Variants in COX17 observed in about 807,000 individuals in gnomAD.
COX17 encodes cytochrome c oxidase copper chaperone COX17, also known as cytochrome c oxidase copper chaperone.
A neutral mutation model predicts 6.3 loss-of-function variants in COX17; 1 was observed. The ratio of observed to expected loss-of-function variants is 0.16; its 90% CI spans 0.06 to 0.75. The LOEUF is 0.75. Among genes scored for constraint, COX17 ranks in the 30% least tolerant of loss-of-function variants. COX17 has a pLI of 0.77. For synonymous variants in COX17, 26 were observed against 30.5 expected (o/e 0.85, Z 0.49); for missense variants, 73 against 81.2 (o/e 0.90, Z 0.39).
chr3:119,668,966 T>C (rs77751788), downstream of COX17, among the ~76,000 whole-genome samples: 1,716 of 152,206 alleles, frequency 0.011, 27 homozygotes, highest in African/African-American at 0.038. Flanking sequence ...ACCAATTCAG[T>C]CTCTAGCCTA....
At chr3:119,669,050 G>A (rs1404895165), downstream of COX17, among the ~76,000 whole-genome samples, 2 of 151,964 alleles carry the variant, frequency 1.3e-5, no homozygotes, top group South Asian at 2.1e-4. Context: ...CTGTAGGCAC[G>A]AAACTTAAGA....
At chr3:119,668,253 T>C (rs1199005738), downstream of COX17, among the ~76,000 whole-genome samples, 3 of 152,204 alleles carry the variant, frequency 2.0e-5, no homozygotes, top group African/African-American at 4.8e-5. Flanking sequence ...TTGTTTTCTT[T>C]TTTGCAGTTC....
intron 2 of COX17, among the ~76,000 whole-genome samples, chr3:119,672,608 T>G (rs2053055391): frequency 6.6e-6 from 1 of 152,208 alleles, no homozygotes; most frequent in South Asian, 2.1e-4. Context: ...GTACACATAC[T>G]TTTTAAGAAC....
chr3:119,666,787 TATC>T (rs2107830741), downstream of COX17: 1 of 152,330 alleles, frequency 6.6e-6, no homozygotes, highest in Non-Finnish European at 1.5e-5. Flanking sequence ...ACACATGAAT[TATC>T]AACACTAGGG....
In COX17 at chr3:119,677,252, A is replaced by T; in HGVS notation, c.59T>A (p.Leu20Gln). Residue 20 changes from leucine to glutamine, a missense_variant, in exon 1 of 3, where the codon CTG becomes CAG. Leu to Gln is a moderately radical substitution (Grantham distance 113, BLOSUM62 -2). Coordinates refer to ENST00000261070, the MANE Select transcript of COX17 (RefSeq NM_005694.2). ...CTCCGGGCAAGCGCAGCAGGGCTTC[A>T]GCGGCTTCTTCTCCTGAGACTCAGG... is the stretch of plus-strand genomic sequence containing the variant. ...APPESQEKKP[L>Q]KPCCACPETK... is the part of the protein sequence containing the mutation. 1 of 1,612,090 alleles carries T rather than the reference A, an allele frequency of 6.2e-7. No homozygotes were observed. Among genetic ancestry groups the T allele is most frequent in the Non-Finnish European group, 8.5e-7 (1 of 1,179,978 alleles).
chr3:119,669,472 T>C (rs1296482582), downstream of COX17: 1 of 152,126 alleles, frequency 6.6e-6, no homozygotes, highest in Non-Finnish European at 1.5e-5. Context: ...TATATATCCT[T>C]TGGGGGAAAA....
chr3:119,676,668 A>T (rs2053103426), intron 1 of COX17: 2 of 567,028 alleles, frequency 3.5e-6, no homozygotes, highest in South Asian at 3.9e-5. Context: ...TTTGGGAGAA[A>T]GCCTTAGAAA....
downstream of COX17, among the ~76,000 whole-genome samples, chr3:119,668,978 TTAATTTCTAATTAATTC>T (rs1183263380): frequency 2.6e-5 from 4 of 152,144 alleles, no homozygotes; most frequent in Non-Finnish European, 5.9e-5. Context: ...TCTAGCCTAA[TTAATTTCTAATTAATTC>T]TAATTTCTAA....
chr3:119,670,165 C>A (rs2107832647), intron 2 of COX17, among the ~76,000 whole-genome samples: 1 of 152,162 alleles, frequency 6.6e-6, no homozygotes, highest in East Asian at 1.9e-4. Context: ...CAAGGGCAAC[C>A]CTTTAATATT....
downstream of COX17, among the ~76,000 whole-genome samples, chr3:119,668,618 T>C (rs1368496060): frequency 6.6e-6 from 1 of 151,752 alleles, no homozygotes; most frequent in East Asian, 1.9e-4. Context: ...TAGCCAGCTA[T>C]TGAACCTAAG....
chr3:119,666,274 A>C (rs887079641), downstream of COX17, among the ~76,000 whole-genome samples: 1 of 152,184 alleles, frequency 6.6e-6, no homozygotes, highest in African/African-American at 2.4e-5. Flanking sequence ...ATGCCCAGGG[A>C]ATGGTTTCTC....
At chr3:119,670,386 T>C (rs959624816) in intron 2 of COX17, among the ~76,000 whole-genome samples, 4 of 152,194 alleles carry the variant, frequency 2.6e-5, no homozygotes, top group African/African-American at 7.2e-5. Context: ...TAAATAAAGA[T>C]AAACCACATC....
chr3:119,669,939 T>C (rs539378607), intron 2 of COX17, among the ~76,000 whole-genome samples: 1 of 152,282 alleles, frequency 6.6e-6, no homozygotes, highest in African/African-American at 2.4e-5. Flanking sequence ...ATATAATACA[T>C]ATGTGTGTGT....
chr3:119,666,129 G>A (rs1371850686), downstream of COX17, among the ~76,000 whole-genome samples: 2 of 97,050 alleles, frequency 2.1e-5, no homozygotes, highest in East Asian at 2.3e-4. Flanking sequence ...ATCTAAGCAG[G>A]GGTGGGATGA....
intron 2 of COX17, chr3:119,674,914 C>CT: frequency 2.1e-6 from 1 of 466,782 alleles, no homozygotes. Flanking sequence ...GACCTAAAGG[C>CT]TTTTGTCAAA....
At chr3:119,670,676 C>G (rs1018028155) in intron 2 of COX17, among the ~76,000 whole-genome samples, 1 of 151,940 alleles carries the variant, frequency 6.6e-6, no homozygotes, top group Non-Finnish European at 1.5e-5. Flanking sequence ...TAAATATCTG[C>G]TGAATGAACA....
downstream of COX17, among the ~76,000 whole-genome samples, chr3:119,669,080 G>A (rs957815396): frequency 6.6e-6 from 1 of 152,046 alleles, no homozygotes; most frequent in African/African-American, 2.4e-5. Context: ...ATTTTAAAAT[G>A]TAACTACCCA....
intron 2 of COX17, among the ~76,000 whole-genome samples, chr3:119,670,537 T>C (rs1402881226): frequency 1.3e-5 from 2 of 152,216 alleles, no homozygotes; most frequent in Admixed American, 6.5e-5. Flanking sequence ...CTTTTGCGAC[T>C]GACTACATAA....
chr3:119,664,348 C>T (rs551498379), intron 3 of COX17, among the ~76,000 whole-genome samples: 1 of 152,278 alleles, frequency 6.6e-6, no homozygotes, highest in African/African-American at 2.4e-5. Context: ...AGTGAGACCA[C>T]TGTCTCTTAA....
Sources: gnomAD v4.1 joint callset for allele counts (sites outside exome capture counted in the v4.1 genomes callset) on GRCh38, gnomAD v4.1.1 for gene constraint, MANE v1.5 for transcripts, NCBI Gene and HGNC (gene_info 2026-07-23, HGNC 2026-07-21) for gene names.